Variants in AGO3 observed in about 807,000 individuals in gnomAD.
AGO3 encodes the protein argonaute RISC catalytic component 3.
In AGO3, 16 loss-of-function variants were observed where a neutral mutation model predicts 105.5. The observed-to-expected ratio is 0.15, with a 90% CI of 0.10 to 0.23. AGO3 has a LOEUF of 0.23. Among genes scored for constraint, AGO3 ranks in the 10% least tolerant of loss-of-function variants. The pLI is 1.00. For synonymous variants in AGO3, 340 were observed against 367.3 expected, an observed-to-expected ratio of 0.93 and a Z score of 0.85; for missense variants, 534 against 1,088.0, an observed-to-expected ratio of 0.49 and a Z score of 7.16.
rs1643050814 is a variant in AGO3, at chr1:36,063,605, G to A, written c.*7860G>A. The A allele has an allele frequency of 6.6e-6, 1 of 152,126 alleles. No individual in the cohort carries two copies. Among genetic ancestry groups the A allele is most frequent in the East Asian group, 1.9e-4 (1 of 5,198 alleles). 9.4% of individuals were successfully genotyped at this position (152,126 alleles called of 1,614,324 possible). The stretch of plus-strand genomic sequence containing the variant: ...TCCCTGAGTATCAATGAAGAAATCA[G>A]AGTTTAAGTGGCTAGGGAGAGCCAG... On this transcript the variant is annotated 3_prime_UTR_variant, in exon 19 of 19. Coordinates refer to ENST00000373191, the MANE Select transcript of AGO3 (RefSeq NM_024852.4).
chr1:36,043,664 C>T (rs1270807220), intron 17 of AGO3, 116 bp downstream of exon 17: 23 of 872,182 alleles, frequency 2.6e-5, no homozygotes, highest in Non-Finnish European at 2.9e-5. Context: ...ATTGTTTCCA[C>T]ATGAAATTAG....
chr1:36,061,218 A>G lies in AGO3; in HGVS notation c.*5473A>G, dbSNP rs942137694. 6.6e-6 allele frequency: 1 copy of G among 151,870 alleles called. No homozygotes were observed. Among genetic ancestry groups the G allele is most frequent in the African/African-American group, 2.4e-5 (1 of 41,234 alleles). 9.4% of individuals were successfully genotyped at this position (151,870 alleles called of 1,614,324 possible). A position where few individuals can be genotyped will look rare whatever the true frequency, so the allele number is the denominator to read the frequency against. ...TGTGTATATGTATGAGTGTGTATAT[A>G]TATAATCTCACACACACACACAAAG... On this transcript the variant is annotated 3_prime_UTR_variant, in exon 19 of 19. Coordinates refer to ENST00000373191, the MANE Select transcript of AGO3 (RefSeq NM_024852.4).
intron 11 of AGO3, among the ~76,000 whole-genome samples, chr1:36,018,675 C>T (rs976504028): frequency 2.0e-5 from 3 of 152,150 alleles, no homozygotes; most frequent in Non-Finnish European, 2.9e-5. Context: ...TCGTGATTCA[C>T]CCGCCTTGGC....
At chr1:36,017,491 A>G (rs966164813) in intron 11 of AGO3, among the ~76,000 whole-genome samples, 1 of 152,248 alleles carries the variant, frequency 6.6e-6, no homozygotes, top group African/African-American at 2.4e-5. Flanking sequence ...AAGATAATTT[A>G]AAGTCTCTTG....
Position 36,060,639 on chromosome 1 carries a change from G to C in AGO3, c.*4894G>C, listed in dbSNP as rs923605628. 3.3e-5 allele frequency: 5 copies of C among 152,162 alleles called. No individual in the cohort carries two copies. The highest frequency in any genetic ancestry group is 1.2e-4 in the African/African-American group (5 of 41,432). 9.4% of individuals were successfully genotyped at this position (152,162 alleles called of 1,614,324 possible). ...GACAACTCTGCAAAATTTTCATTCA[G>C]TATCATTAAACCTGAGTTAAATGTT... On this transcript the variant is annotated 3_prime_UTR_variant, in exon 19 of 19. Coordinates refer to ENST00000373191, the MANE Select transcript of AGO3 (RefSeq NM_024852.4).
At chr1:35,971,896 AT>A in intron 3 of AGO3, 127 bp from the exon 4 acceptor site, 4 of 822,272 alleles carry the variant, frequency 4.9e-6, no homozygotes, top group East Asian at 5.4e-5. Context: ...ACAAAAAAAA[AT>A]GGTATATTTT....
chr1:36,022,742 G>A lies in AGO3; in HGVS notation c.1407-4372G>A, dbSNP rs970865334. Among the ~76,000 whole-genome samples the A allele has an allele frequency of 2.6e-5, 4 of 152,096 alleles. No individual in the cohort carries two copies. The East Asian group carries it at 5.8e-4, about 22-fold the overall frequency. On this transcript the variant is annotated intron_variant, in intron 11 of 18. Transcript: ENST00000373191. ...AGGTCAGGAGTTCGAGACCAGCCTG[G>A]CCAACATGGTGAAACCCCATCTCTA...
intron 2 of AGO3, among the ~76,000 whole-genome samples, chr1:35,947,313 T>C (rs1646385048): frequency 6.6e-6 from 1 of 152,094 alleles, no homozygotes; most frequent in Admixed American, 6.6e-5. Flanking sequence ...AGATGACTCC[T>C]AATCTTGCTG....
At chr1:35,941,392 G>T (rs142781632) in intron 1 of AGO3, among the ~76,000 whole-genome samples, 63 of 151,946 alleles carry the variant, frequency 4.1e-4, no homozygotes, top group African/African-American at 1.5e-3. Flanking sequence ...TACAGCAGCT[G>T]GAGTGATACT....
Position 36,055,557 on chromosome 1 carries a change from C to G in AGO3, c.2475-80C>G. On this transcript the variant is annotated intron_variant, in intron 18 of 18. Transcript: ENST00000373191. This position sits in a 1 kb window ranked among gnomAD's most constrained non-coding sequence, Gnocchi z 4.4. ...TATTTGTTAATAATTTTGAAATTTT[C>G]TACAACAAATAGTATTTTTCGGAAT... 2 of 1,344,478 alleles carry G rather than the reference C, an allele frequency of 1.5e-6. No homozygotes were observed. Among genetic ancestry groups the G allele is most frequent in the Non-Finnish European group, 2.1e-6 (2 of 944,400 alleles). The allele number at this position is 1,344,478 out of a possible 1,614,324, so 83.3% of individuals were successfully genotyped here. A position where few individuals can be genotyped will look rare whatever the true frequency, so the allele number is the denominator to read the frequency against.
intron 5 of AGO3, among the ~76,000 whole-genome samples, chr1:36,002,976 CAGG>C (rs1640160290): frequency 6.6e-6 from 1 of 151,992 alleles, no homozygotes; most frequent in African/African-American, 2.4e-5. Flanking sequence ...GAGGCTGAGG[CAGG>C]AGAATTGCTT....
intron 3 of AGO3, 95 bp downstream of exon 3, chr1:35,967,170 T>G: frequency 7.3e-7 from 1 of 1,374,478 alleles, no homozygotes; most frequent in African/African-American, 1.5e-5. Flanking sequence ...CATATATATG[T>G]GAATATTTAT....
intron 2 of AGO3, among the ~76,000 whole-genome samples, chr1:35,947,483 CT>C (rs1387070766): frequency 6.6e-6 from 1 of 152,106 alleles, no homozygotes; most frequent in Non-Finnish European, 1.5e-5. Context: ...ATTTTTCTCC[CT>C]TTCTCCAGTA....
chr1:35,955,454 A>C (rs1012160983), intron 2 of AGO3, among the ~76,000 whole-genome samples: 1 of 152,230 alleles, frequency 6.6e-6, no homozygotes, highest in Admixed American at 6.5e-5. Flanking sequence ...GAAATGAACT[A>C]TTTAAAAATA....
At chr1:35,996,207 C>T (rs1569683810) in intron 5 of AGO3, among the ~76,000 whole-genome samples, 1 of 151,830 alleles carries the variant, frequency 6.6e-6, no homozygotes, top group South Asian at 2.1e-4. Flanking sequence ...TGCCTCTATT[C>T]CCAGCTTCTT....
chr1:35,981,514 G>T (rs1647052912), intron 5 of AGO3, among the ~76,000 whole-genome samples: 2 of 152,140 alleles, frequency 1.3e-5, no homozygotes, highest in African/African-American at 4.8e-5. Flanking sequence ...GACTAGTTCT[G>T]CTACCAAGGG....
intron 1 of AGO3, among the ~76,000 whole-genome samples, chr1:35,936,507 A>G (rs1215346872): frequency 6.6e-6 from 1 of 152,156 alleles, no homozygotes; most frequent in Non-Finnish European, 1.5e-5. Context: ...TTTTTAGTAG[A>G]GATGGGATTT....
At chr1:35,988,427 C>T (rs1464164656) in intron 5 of AGO3, among the ~76,000 whole-genome samples, 1 of 152,132 alleles carries the variant, frequency 6.6e-6, no homozygotes, top group East Asian at 1.9e-4. Flanking sequence ...CTTTGACCAA[C>T]ATCTCACCAT....
chr1:35,976,419 G>A (rs1646958046), intron 5 of AGO3, among the ~76,000 whole-genome samples: 1 of 151,878 alleles, frequency 6.6e-6, no homozygotes, highest in Non-Finnish European at 1.5e-5. Flanking sequence ...GGGTTTCTAG[G>A]TTATAATCAT....
Sources: allele counts gnomAD v4.1 joint callset (sites outside exome capture counted in the v4.1 genomes callset), GRCh38; gene constraint gnomAD v4.1.1; non-coding constraint Gnocchi (gnomAD v3.1); transcripts MANE v1.5; gene names NCBI Gene and HGNC (gene_info 2026-07-23, HGNC 2026-07-21).